Variants in TCF7L2 observed in about 807,000 individuals in gnomAD.
TCF7L2 encodes transcription factor 7 like 2.
TCF7L2 carries 23 observed loss-of-function variants against 77.9 expected under a neutral mutation model. The observed-to-expected ratio is 0.30, with a 90% confidence interval of 0.21 to 0.42. TCF7L2 has a LOEUF of 0.42. Among genes scored for constraint, TCF7L2 ranks in the 10% least tolerant of loss-of-function variants. The pLI, the probability that TCF7L2 is intolerant of heterozygous loss-of-function variation, is 1.00. For synonymous variants in TCF7L2, 413 were observed against 340.2 expected (o/e 1.21, Z -2.36); for missense variants, 654 against 793.1 (o/e 0.82, Z 2.11).
chr10:113,165,751 T>C lies in TCF7L2; in HGVS notation c.1588T>C (p.Ser530Pro), dbSNP rs1036930478. The change falls in exon 14 of 14, where the codon TCC (serine) becomes CCC (proline). Residue 530 changes from serine (S) to proline (P), a missense_variant. Coordinates refer to ENST00000627217, the MANE Select transcript of TCF7L2 (RefSeq NM_001146274.2). ...GAAGCCCGACCCCCTGGCCCACCTG[T>C]CCATGATGCCTCCGCCACCCGCCCT... 12 of 1,610,814 alleles carry C rather than the reference T, an allele frequency of 7.4e-6. No homozygotes were observed. The highest frequency in any genetic ancestry group is 9.3e-6 in the Non-Finnish European group (11 of 1,178,778).
At chr10:113,102,875 T>C (rs1204578410) in intron 5 of TCF7L2, among the ~76,000 whole-genome samples, 2 of 152,238 alleles carry the variant, frequency 1.3e-5, no homozygotes, top group Non-Finnish European at 2.9e-5. Flanking sequence ...TTCATAAGTA[T>C]TATTGTTTCA....
At chr10:113,052,656 G>T (rs972403169) in intron 5 of TCF7L2, among the ~76,000 whole-genome samples, 1 of 152,218 alleles carries the variant, frequency 6.6e-6, no homozygotes, top group African/African-American at 2.4e-5. Flanking sequence ...TCCTCCCATG[G>T]CTGGGATGTC....
chr10:113,164,566 C>T (rs191701075), intron 13 of TCF7L2, among the ~76,000 whole-genome samples: 411 of 147,902 alleles, frequency 2.8e-3, no homozygotes, highest in African/African-American at 8.6e-3. Context: ...CTTCTCACTA[C>T]GGGGTGGGGG....
At chr10:113,121,511 T>C (rs1292884950) in intron 5 of TCF7L2, among the ~76,000 whole-genome samples, 1 of 152,222 alleles carries the variant, frequency 6.6e-6, no homozygotes, top group Non-Finnish European at 1.5e-5. Context: ...CTTTTGAACG[T>C]TGTCACAATC....
At chr10:113,155,046 A>T (rs1411967116) in intron 11 of TCF7L2, among the ~76,000 whole-genome samples, 1 of 151,844 alleles carries the variant, frequency 6.6e-6, no homozygotes, top group African/African-American at 2.4e-5. Context: ...TGGTCATTGT[A>T]AACTCCAAAA....
At chr10:113,012,626 G>C (rs1054140823) in intron 4 of TCF7L2, among the ~76,000 whole-genome samples, 2 of 152,124 alleles carry the variant, frequency 1.3e-5, no homozygotes, top group Non-Finnish European at 2.9e-5. Context: ...GGGTTTGCTG[G>C]CATTGAGTAA....
chr10:113,073,129 T>TGTGAGA (rs56927661), intron 5 of TCF7L2, among the ~76,000 whole-genome samples: 3 of 123,580 alleles, frequency 2.4e-5, no homozygotes, highest in Admixed American at 8.4e-5. Flanking sequence ...TGTGTGTGTG[T>TGTGAGA]GAGAGAGAGA....
At chr10:113,132,560 A>G (rs2066761872) in intron 5 of TCF7L2, among the ~76,000 whole-genome samples, 1 of 152,100 alleles carries the variant, frequency 6.6e-6, no homozygotes. Flanking sequence ...GTGGTCTGGA[A>G]ATCATTATTA....
intron 6 of TCF7L2, 95 bp from the exon 7 acceptor site, chr10:113,143,828 T>C: frequency 1.2e-6 from 1 of 823,308 alleles, no homozygotes; most frequent in South Asian, 1.8e-5. Context: ...CCAGAAGAGA[T>C]GCGTCTCTTC....
intron 5 of TCF7L2, among the ~76,000 whole-genome samples, chr10:113,086,568 G>A (rs1489245918): frequency 6.6e-6 from 1 of 152,226 alleles, no homozygotes; most frequent in African/African-American, 2.4e-5. Flanking sequence ...TTCTGAAGCT[G>A]GGGGTGGGGT....
At chr10:112,966,831 T>A (rs926938245) in intron 4 of TCF7L2, among the ~76,000 whole-genome samples, 1 of 152,224 alleles carries the variant, frequency 6.6e-6, no homozygotes, top group Non-Finnish European at 1.5e-5. Context: ...TTTGGAGGAC[T>A]GAAACCATTA....
intron 5 of TCF7L2, among the ~76,000 whole-genome samples, chr10:113,082,219 C>T (rs889043110): frequency 6.6e-6 from 1 of 151,836 alleles, no homozygotes; most frequent in East Asian, 1.9e-4. Flanking sequence ...CCTTTCATCC[C>T]AGTAAAGCCT....
rs990796564 is a variant in TCF7L2 at position 113,025,639 on chromosome 10, G to A, written c.451-14386G>A. Among the ~76,000 whole-genome samples the A allele has an allele frequency of 7.2e-5, 11 of 151,958 alleles. No individual in the cohort carries two copies. The East Asian group carries it at 9.7e-4, about 13-fold the overall frequency. ...CAAGCAATCTGCCCACCTTGGCCTCGCAAAGTGCTGGGATTACAGGTGTGA... is the reference window on the plus strand; with the variant it reads ...CAAGCAATCTGCCCACCTTGGCCTCACAAAGTGCTGGGATTACAGGTGTGA... On this transcript the variant is annotated intron_variant, in intron 4 of 13. Transcript: ENST00000627217.
intron 5 of TCF7L2, chr10:113,130,122 G>C: frequency 1.4e-6 from 1 of 728,966 alleles, no homozygotes; most frequent in Non-Finnish European, 1.8e-6. Flanking sequence ...AACAAAACAA[G>C]AATAAATGGT....
intron 5 of TCF7L2, among the ~76,000 whole-genome samples, chr10:113,134,515 G>A (rs990144457): frequency 1.3e-5 from 2 of 152,192 alleles, no homozygotes; most frequent in Non-Finnish European, 2.9e-5. Context: ...CACCCTCACA[G>A]GCTGGAAAAA....
intron 5 of TCF7L2, among the ~76,000 whole-genome samples, chr10:113,067,437 G>A (rs1591260624): frequency 6.6e-6 from 1 of 152,184 alleles, no homozygotes; most frequent in Non-Finnish European, 1.5e-5. Flanking sequence ...TGGGTTGGAA[G>A]TGATTTTATT....
At chr10:113,105,613 C>G (rs1413439105) in intron 5 of TCF7L2, among the ~76,000 whole-genome samples, 1 of 152,136 alleles carries the variant, frequency 6.6e-6, no homozygotes. Flanking sequence ...GGAGGTGCCC[C>G]GCACCTCACC....
intron 3 of TCF7L2, among the ~76,000 whole-genome samples, chr10:112,961,257 C>CCCCG (rs1564713130): frequency 1.3e-5 from 1 of 78,066 alleles, no homozygotes; most frequent in Non-Finnish European, 2.3e-5. Flanking sequence ...TCAGGTGACC[C>CCCCG]CCCCCCCCCC....
intron 4 of TCF7L2, among the ~76,000 whole-genome samples, chr10:113,034,677 T>A (rs563855982): frequency 1.3e-5 from 2 of 151,982 alleles, no homozygotes; most frequent in South Asian, 4.1e-4. Flanking sequence ...GGGAGGGTCA[T>A]CTGAGGTCAG....
Sources: gnomAD v4.1 joint callset for allele counts (sites outside exome capture counted in the v4.1 genomes callset) on GRCh38, gnomAD v4.1.1 for gene constraint, MANE v1.5 for transcripts, NCBI Gene and HGNC (gene_info 2026-07-23, HGNC 2026-07-21) for gene names.